The following GSDME variants were observed in gnomAD, a reference collection of about 807,000 sequenced individuals.
GSDME encodes gasdermin E.
A neutral mutation model predicts 47.5 loss-of-function variants in GSDME; 44 were observed. The ratio of observed to expected loss-of-function variants is 0.93; its 90% CI spans 0.73 to 1.19. The LOEUF (loss-of-function observed/expected upper bound fraction) is 1.19, where lower values mean the gene tolerates loss of function less well. Among genes scored for constraint, GSDME ranks in the 50% most tolerant of loss-of-function variants. GSDME has a pLI of 0.00. For synonymous variants in GSDME, 258 were observed against 252.8 expected (o/e 1.02, Z -0.20); for missense variants, 663 against 604.2 (o/e 1.10, Z -1.02).
At chr7:24,711,363 T>C (rs1789345293) in intron 5 of GSDME, among the ~76,000 whole-genome samples, 1 of 152,090 alleles carries the variant, frequency 6.6e-6, no homozygotes, top group South Asian at 2.1e-4. Flanking sequence ...TAGCTGGGAT[T>C]ACAGGCACCT....
intron 6 of GSDME, among the ~76,000 whole-genome samples, chr7:24,709,580 G>T (rs17149943): frequency 0.13 from 19,681 of 152,006 alleles, 1,424 homozygotes; most frequent in Admixed American, 0.2. Context: ...AGCTCTTTGT[G>T]CTAAGCTCTC....
upstream of GSDME, among the ~76,000 whole-genome samples, chr7:24,761,979 C>T (rs768610836): frequency 2.0e-5 from 3 of 151,974 alleles, no homozygotes; most frequent in Non-Finnish European, 2.9e-5. The surrounding 1 kb of genome is among the most constrained non-coding windows in gnomAD (Gnocchi z 4.4). Flanking sequence ...ACAGGATAGG[C>T]GCAGTGGCTT....
upstream of GSDME, chr7:24,758,094 G>A (rs956541712): frequency 1.3e-5 from 2 of 152,312 alleles, no homozygotes; most frequent in African/African-American, 2.4e-5. This position sits in a 1 kb window ranked among gnomAD's most constrained non-coding sequence, Gnocchi z 4.6. Context: ...AGCATAGCTG[G>A]TGCTCAAACA....
chr7:24,754,898 T>C lies in GSDME; in HGVS notation c.-20+2498A>G, dbSNP rs563432324. ...GAACCCTGGGCCTCTGCCTGAAGAG[T>C]TCTAGAAAAGAAACTTCAACATCAA... On this transcript the variant is annotated intron_variant, in intron 1 of 9. Transcript: ENST00000645220. This position sits in a 1 kb window ranked among gnomAD's most constrained non-coding sequence, Gnocchi z 5.0. Among the ~76,000 whole-genome samples, 139 of 152,190 alleles carry C rather than the reference T, an allele frequency of 9.1e-4. No homozygotes were observed. The highest frequency in any genetic ancestry group is 3.2e-3 in the African/African-American group (131 of 41,520).
At chr7:24,740,620 TA>T (rs899915582) in intron 3 of GSDME, among the ~76,000 whole-genome samples, 7 of 151,958 alleles carry the variant, frequency 4.6e-5, no homozygotes, top group South Asian at 2.1e-4. Context: ...AATTCCTCAT[TA>T]AAAAATGTCA....
the GSDME span, among the ~76,000 whole-genome samples, chr7:24,785,774 T>C: frequency 1.3e-5 from 2 of 152,214 alleles, no homozygotes; most frequent in African/African-American, 4.8e-5. Context: ...GTTTTAAACA[T>C]GTCAAGCACA....
At chr7:24,791,481 A>G in the GSDME span, among the ~76,000 whole-genome samples, 1 of 152,194 alleles carries the variant, frequency 6.6e-6, no homozygotes, top group Non-Finnish European at 1.5e-5. This position sits in a 1 kb window ranked among gnomAD's most constrained non-coding sequence, Gnocchi z 4.8. Flanking sequence ...CTGTTTTGGC[A>G]AGGGCTGACA....
intron 2 of GSDME, among the ~76,000 whole-genome samples, chr7:24,746,581 G>A (rs1790677089): frequency 6.6e-6 from 1 of 152,204 alleles, no homozygotes; most frequent in African/African-American, 2.4e-5. Flanking sequence ...AGCAAAGACA[G>A]AAATTTTATC....
At chr7:24,702,989 T>TA in intron 8 of GSDME, 156 bp from the exon 9 acceptor site, 1 of 627,964 alleles carries the variant, frequency 1.6e-6, no homozygotes, top group Admixed American at 2.1e-5. Flanking sequence ...TGAATGGTGC[T>TA]AAATGGGCAG....
the GSDME span, among the ~76,000 whole-genome samples, chr7:24,769,497 G>A: frequency 6.6e-6 from 1 of 152,062 alleles, no homozygotes. Flanking sequence ...AAACGATTGG[G>A]GTTTTATCAG....
chr7:24,717,191 A>AGGGATCCTCTGCTGGGG, intron 5 of GSDME, 63 bp downstream of exon 5: 4 of 1,550,880 alleles, frequency 2.6e-6, no homozygotes, highest in South Asian at 1.1e-5. Flanking sequence ...AAAGCAGTCA[A>AGGGATCCTCTGCTGGGG]GTCCCTCTGC....
the GSDME span, among the ~76,000 whole-genome samples, chr7:24,766,183 T>TGTGTG: frequency 6.9e-6 from 1 of 144,518 alleles, no homozygotes; most frequent in African/African-American, 2.6e-5. The surrounding 1 kb of genome is among the most constrained non-coding windows in gnomAD (Gnocchi z 4.2). Context: ...ATTACATTAT[T>TGTGTG]TGTGTGTGTG....
chr7:24,734,578 A>G (rs1333616398), intron 3 of GSDME, among the ~76,000 whole-genome samples: 1 of 152,254 alleles, frequency 6.6e-6, no homozygotes. Context: ...ATTCCTTCAG[A>G]TACATTTAAC....
rs1789385716 is a variant in GSDME at position 24,712,276 on chromosome 7, CTT to C, written c.698-1890_698-1889del. 1.3e-5 allele frequency among the ~76,000 whole-genome samples: 2 copies of C among 152,202 alleles called. No homozygotes were observed. The highest frequency in any genetic ancestry group is 4.1e-4 in the South Asian group (2 of 4,822). On this transcript the variant is annotated intron_variant, in intron 5 of 9. Transcript: ENST00000645220. The surrounding 1 kb of genome is among the most constrained non-coding windows in gnomAD (Gnocchi z 4.4). ...GTGTGAACCAGCACCTAGGTCATAA[CTT>C]TGTTCCCTGAGGACAGGAGCCTTGA... is the stretch of plus-strand genomic sequence containing the variant.
intron 9 of GSDME, among the ~76,000 whole-genome samples, chr7:24,702,083 C>G (rs911782426): frequency 2.0e-5 from 3 of 152,240 alleles, no homozygotes; most frequent in Non-Finnish European, 4.4e-5. Flanking sequence ...TGCTCAGCTC[C>G]TCTGCCCCAG....
At chr7:24,751,213 C>A (rs1481648890) in intron 1 of GSDME, among the ~76,000 whole-genome samples, 1 of 152,118 alleles carries the variant, frequency 6.6e-6, no homozygotes. Flanking sequence ...TGGTTCTAAA[C>A]CATTCACAAT....
Position 24,725,928 on chromosome 7 carries a change from G to A in GSDME, c.405-6710C>T, listed in dbSNP as rs1295853597. On this transcript the variant is annotated intron_variant, in intron 3 of 9. Coordinates refer to ENST00000645220, the MANE Select transcript of GSDME (RefSeq NM_001127453.2). The surrounding 1 kb of genome is among the most constrained non-coding windows in gnomAD (Gnocchi z 5.1). ...TTAAGAGCATGGCTCCATGGACACA[G>A]GACAGGAGTTGGATACAAGACGCGG... Among the ~76,000 whole-genome samples the A allele has an allele frequency of 6.6e-6, 1 of 152,196 alleles. No individual in the cohort carries two copies. The highest frequency in any genetic ancestry group is 2.4e-5 in the African/African-American group (1 of 41,432).
chr7:24,759,456 A>C (rs890463872), upstream of GSDME, among the ~76,000 whole-genome samples: 5 of 152,144 alleles, frequency 3.3e-5, no homozygotes, highest in African/African-American at 1.2e-4. Flanking sequence ...TAATAATATC[A>C]GCTGCTATTA....
rs2128056507 is a variant in GSDME at position 24,726,404 on chromosome 7, T to C, written c.405-7186A>G. ...TGCAGACCCCACACTTCAACTCTCC[T>C]TCATTCATCTCCACAAATACCTGAG... is the stretch of plus-strand genomic sequence containing the variant. On this transcript the variant is annotated intron_variant, in intron 3 of 9. Transcript: ENST00000645220. The surrounding 1 kb of genome is among the most constrained non-coding windows in gnomAD (Gnocchi z 5.6). Among the ~76,000 whole-genome samples, 1 of 152,228 alleles carries C rather than the reference T, an allele frequency of 6.6e-6. No homozygotes were observed. The highest frequency in any genetic ancestry group is 2.1e-4 in the South Asian group (1 of 4,824).
Sources: allele counts gnomAD v4.1 joint callset (sites outside exome capture counted in the v4.1 genomes callset), GRCh38; gene constraint gnomAD v4.1.1; non-coding constraint Gnocchi (gnomAD v3.1); transcripts MANE v1.5; gene names NCBI Gene and HGNC (gene_info 2026-07-23, HGNC 2026-07-21).